TLE4: variants seen among roughly 807,000 people sequenced by gnomAD.
TLE4 encodes transducin-like enhancer protein 4.
Under a neutral mutation model 92.8 loss-of-function variants are expected in TLE4, and 8 were observed. The observed-to-expected ratio is 0.09, with a 90% CI of 0.05 to 0.16. TLE4 has a LOEUF of 0.16. TLE4 is among the 10% of genes least tolerant of loss of function. The pLI is 1.00. For synonymous variants in TLE4, 371 were observed against 374.1 expected, an observed-to-expected ratio of 0.99 and a Z score of 0.10; for missense variants, 675 against 997.6, an observed-to-expected ratio of 0.68 and a Z score of 4.36.
chr9:79,684,680 G>A (rs766051355), intron 8 of TLE4, among the ~76,000 whole-genome samples: 1 of 152,148 alleles, frequency 6.6e-6, no homozygotes, highest in African/African-American at 2.4e-5. Flanking sequence ...GGTCTAGAAC[G>A]TCTTCAGCTC....
chr9:79,611,932 A>G (rs11138308), intron 4 of TLE4, among the ~76,000 whole-genome samples: 1 of 140,104 alleles, frequency 7.1e-6, no homozygotes, highest in Admixed American at 7.2e-5. Flanking sequence ...TTGCATATCC[A>G]CAGTAAAAAA....
intron 4 of TLE4, among the ~76,000 whole-genome samples, chr9:79,596,307 A>T (rs1371218791): frequency 4.6e-5 from 7 of 152,140 alleles, no homozygotes; most frequent in Non-Finnish European, 1.0e-4. Context: ...CTTTACTACT[A>T]TATATAAAAT....
intron 1 of TLE4, chr9:79,573,457 C>T (rs1005595701): frequency 4.4e-5 from 47 of 1,075,168 alleles, no homozygotes; most frequent in Admixed American, 2.9e-4. Context: ...CCTCGGGGTC[C>T]GGGGCGCGGG....
intron 8 of TLE4, among the ~76,000 whole-genome samples, chr9:79,681,094 C>T (rs777041246): frequency 6.6e-5 from 10 of 152,002 alleles, no homozygotes; most frequent in East Asian, 1.9e-4. Context: ...TTCTCTGTTT[C>T]GGTTGTGTCT....
chr9:79,697,101 C>T (rs2068465863), intron 8 of TLE4, among the ~76,000 whole-genome samples: 1 of 152,076 alleles, frequency 6.6e-6, no homozygotes, highest in Non-Finnish European at 1.5e-5. Flanking sequence ...CTGTAATTTA[C>T]AGAGTTAGCA....
chr9:79,577,253 G>C (rs1297507587), intron 4 of TLE4, among the ~76,000 whole-genome samples: 1 of 152,070 alleles, frequency 6.6e-6, no homozygotes. Flanking sequence ...TTTGGGTATA[G>C]TTATTTTCTA....
chr9:79,647,258 A>G (rs1156474313), intron 6 of TLE4, among the ~76,000 whole-genome samples: 2 of 152,164 alleles, frequency 1.3e-5, no homozygotes, highest in South Asian at 2.1e-4. Flanking sequence ...TGGGAACTCT[A>G]TATGTAGTAG....
chr9:79,573,953 G>C lies in TLE4; in HGVS notation c.143+167G>C, dbSNP rs200008154. ...AAATCAAGGCCTCCTTCCTTAGGCA[G>C]GTGTAAATAAATTAAACATTTCTTC... On this transcript the variant is annotated intron_variant, in intron 2 of 19. Transcript: ENST00000376552. 9.7e-5 allele frequency: 40 copies of C among 413,400 alleles called. No homozygotes were observed. The East Asian group carries it at 1.4e-3, about 15-fold the overall frequency. 25.6% of individuals were successfully genotyped at this position (413,400 alleles called of 1,614,324 possible).
intron 8 of TLE4, among the ~76,000 whole-genome samples, chr9:79,698,859 T>TTATA (rs1349419827): frequency 6.8e-6 from 1 of 146,290 alleles, no homozygotes; most frequent in African/African-American, 2.6e-5. Flanking sequence ...GGATTATTTC[T>TTATA]TATATATATA....
chr9:79,722,813 A>G (rs774974406), intron 18 of TLE4, 146 bp from the exon 19 acceptor site: 7 of 969,008 alleles, frequency 7.2e-6, no homozygotes, highest in Non-Finnish European at 1.1e-5. Context: ...GATTAAATCC[A>G]GAAAGATAGG....
chr9:79,720,096 C>T lies in TLE4; in HGVS notation c.1641C>T (p.Thr547=). Residue 547 remains threonine, a synonymous_variant, in exon 16 of 20, where the codon ACC becomes ACT. Coordinates refer to ENST00000376552, the MANE Select transcript of TLE4 (RefSeq NM_007005.6). ...RSCRLLPDGR[T]LIVGGEASTL... The stretch of plus-strand genomic sequence containing the variant: ...GCAGATTGCTCCCTGATGGTCGCAC[C>T]CTAATTGTTGGAGGGGAAGCCAGTA... 6.2e-7 allele frequency: 1 copy of T among 1,613,988 alleles called. No individual in the cohort carries two copies. Among genetic ancestry groups the T allele is most frequent in the Non-Finnish European group, 8.5e-7 (1 of 1,179,932 alleles).
chr9:79,598,028 C>T (rs577861402), intron 4 of TLE4, among the ~76,000 whole-genome samples: 10 of 139,874 alleles, frequency 7.1e-5, no homozygotes, highest in South Asian at 6.8e-4. Context: ...GTCAGGAGAT[C>T]GAGACTATCC....
At chr9:79,573,163 C>G (rs2036365662) in intron 1 of TLE4, 2 of 867,576 alleles carry the variant, frequency 2.3e-6, no homozygotes, top group Non-Finnish European at 2.9e-6. Flanking sequence ...ACTCCGCGCC[C>G]GGGCGGGGAG....
chr9:79,710,930 G>A (rs1381013530), intron 14 of TLE4, among the ~76,000 whole-genome samples: 1 of 152,166 alleles, frequency 6.6e-6, no homozygotes, highest in Non-Finnish European at 1.5e-5. Flanking sequence ...TTTATTCAGG[G>A]AATGGATATG....
intron 6 of TLE4, among the ~76,000 whole-genome samples, chr9:79,642,544 A>G (rs1159792135): frequency 6.6e-6 from 1 of 152,096 alleles, no homozygotes; most frequent in Non-Finnish European, 1.5e-5. Flanking sequence ...GGTATCAGTA[A>G]GATGTTAAAG....
In TLE4 at chr9:79,573,693, C is replaced by A; in HGVS notation, c.50C>A (p.Pro17Gln). 6.3e-7 allele frequency: 1 copy of A among 1,595,492 alleles called. No homozygotes were observed. Among genetic ancestry groups the A allele is most frequent in the Non-Finnish European group, 8.6e-7 (1 of 1,166,634 alleles). Residue 17 changes from proline to glutamine, a missense_variant, in exon 2 of 20, where the codon CCG becomes CAG. Physicochemically the swap from Pro to Gln is moderately conservative, Grantham distance 76. Coordinates refer to ENST00000376552, the MANE Select transcript of TLE4 (RefSeq NM_007005.6). The stretch of plus-strand genomic sequence containing the variant: ...TATTTTATTGTTGTTCTTCAGGCAC[C>A]GCATCAGCCTGCTCAACCCTTTAAA... ...KMYPQTRHPA[P>Q]HQPAQPFKFT...
chr9:79,609,510 T>A (rs1444301438), intron 4 of TLE4, among the ~76,000 whole-genome samples: 2 of 152,052 alleles, frequency 1.3e-5, no homozygotes, highest in Non-Finnish European at 2.9e-5. Context: ...GGAAAATACA[T>A]CTGCAACTTT....
At chr9:79,593,730 G>A (rs904291074) in intron 4 of TLE4, among the ~76,000 whole-genome samples, 3 of 152,192 alleles carry the variant, frequency 2.0e-5, no homozygotes, top group Non-Finnish European at 2.9e-5. Context: ...CATATATGCT[G>A]TGTCTGATGG....
At chr9:79,721,630 T>C (rs1211426888) in intron 16 of TLE4, 111 bp from the exon 17 acceptor site, 2 of 1,491,594 alleles carry the variant, frequency 1.3e-6, no homozygotes, top group Non-Finnish European at 1.8e-6. Context: ...TAAACCAAAA[T>C]GAAATCTACA....
Sources: allele counts gnomAD v4.1 joint callset (sites outside exome capture counted in the v4.1 genomes callset), GRCh38; gene constraint gnomAD v4.1.1; transcripts MANE v1.5; gene names NCBI Gene and HGNC (gene_info 2026-07-23, HGNC 2026-07-21).